Variants in POU5F1B observed in about 807,000 individuals in gnomAD.
POU5F1B encodes POU class 5 homeobox 1B.
A neutral mutation model predicts 28.1 loss-of-function variants in POU5F1B; 24 were observed. The ratio of observed to expected loss-of-function variants is 0.85; its 90% CI spans 0.62 to 1.20. The LOEUF is 1.20. Ranked by LOEUF, POU5F1B falls within the 50% of genes most tolerant of loss-of-function variation. The pLI is 0.00. For missense variants in POU5F1B, 451 were observed against 451.5 expected (o/e 1.00, Z 0.01); for synonymous variants, 220 against 193.2 (o/e 1.14, Z -1.15).
chr8:127,415,809 A>T (rs1815121693), exon 3 of POU5F1B: 2 of 1,462,826 alleles, frequency 1.4e-6, no homozygotes, highest in Non-Finnish European at 1.8e-6. Context: ...GCTTTCAATG[A>T]AAAGTAACAT....
intron 1 of POU5F1B, among the ~76,000 whole-genome samples, chr8:127,413,604 C>T (rs1158931257): frequency 1.3e-5 from 2 of 152,204 alleles, no homozygotes; most frequent in Non-Finnish European, 2.9e-5. Flanking sequence ...GTCACAAAAT[C>T]TAGCCTGTCT....
chr8:127,416,773 C>T (rs770937166), exon 3 of POU5F1B: 4 of 1,606,854 alleles, frequency 2.5e-6, no homozygotes, highest in Non-Finnish European at 1.7e-6. Context: ...TGCTGGGTCT[C>T]CTTTCTCAGG....
chr8:127,416,929 C>T lies in POU5F1B; in HGVS notation c.1063C>T (p.Pro355Ser). Residue 355 changes from proline (P) to serine (S), a missense_variant, in exon 3 of 3, where the codon CCC (proline) becomes TCC (serine). Transcript: ENST00000465342. ...AGTCTCCGTCATCACTCTGGGCTCT[C>T]CCATGCATTCAAACTGAGGTGCCTG... 3.1e-6 allele frequency: 5 copies of T among 1,601,274 alleles called. No individual in the cohort carries two copies. The highest frequency in any genetic ancestry group is 2.3e-5 in the South Asian group (2 of 88,246).
chr8:127,417,211 G>GAAAAGAAAGA (rs1554608621), exon 3 of POU5F1B: 7 of 292,330 alleles, frequency 2.4e-5, no homozygotes, highest in African/African-American at 9.4e-5. Context: ...AAAAAAAAAA[G>GAAAAGAAAGA]AAAGAAAAGA....
At chr8:127,413,758 T>C (rs80055306) in intron 1 of POU5F1B, among the ~76,000 whole-genome samples, 11 of 152,154 alleles carry the variant, frequency 7.2e-5, no homozygotes, top group African/African-American at 2.4e-4. Flanking sequence ...ATTTCACTTT[T>C]CTGCTAAATG....
chr8:127,417,207 A>AAAAAT lies in POU5F1B; in HGVS notation c.*264_*265insATAAA, dbSNP rs1554608616. On this transcript the variant is annotated 3_prime_UTR_variant, in exon 3 of 3. Transcript: ENST00000465342. Reference sequence around the variant, plus strand: ...CCTGGGACACAGTAAAAAAAAAAAAAAAAGAAAGAAAAGAAAAGTAACATA... The same window carrying AAAAAT: ...CCTGGGACACAGTAAAAAAAAAAAAAAAAATAAAGAAAGAAAAGAAAAGTAACATA... 7 of 236,876 alleles carry AAAAAT rather than the reference A, an allele frequency of 3.0e-5. No homozygotes were observed. The Admixed American group carries it at 4.6e-4, about 15-fold the overall frequency. The allele number at this position is 236,876 out of a possible 1,614,324, so 14.7% of individuals were successfully genotyped here. A position where few individuals can be genotyped will look rare whatever the true frequency, so the allele number is the denominator to read the frequency against.
rs773796757 is a variant in POU5F1B, at chr8:127,416,900, C to G, written c.1034C>G (p.Pro345Arg). ...CCTTTCCCTGAGGGGGAAGTCTTTC[C>G]CCCAGTCTCCGTCATCACTCTGGGC... The change falls in exon 3 of 3, where the codon CCC (proline) becomes CGC (arginine). Residue 345 changes from proline to arginine, a missense_variant. Coordinates refer to ENST00000465342, the Ensembl canonical transcript of POU5F1B. 6 of 1,600,264 alleles carry G rather than the reference C, an allele frequency of 3.7e-6. No homozygotes were observed. The highest frequency in any genetic ancestry group is 5.1e-6 in the Non-Finnish European group (6 of 1,172,962).
chr8:127,414,140 T>C (rs566500216), intron 1 of POU5F1B, among the ~76,000 whole-genome samples: 2 of 152,260 alleles, frequency 1.3e-5, no homozygotes, highest in East Asian at 3.9e-4. Flanking sequence ...TTGGAAACAC[T>C]CAAGAACGTC....
intron 1 of POU5F1B, among the ~76,000 whole-genome samples, chr8:127,414,436 G>T (rs1041973553): frequency 6.6e-5 from 10 of 152,132 alleles, no homozygotes; most frequent in Admixed American, 3.9e-4. Flanking sequence ...ACAGAAAGGA[G>T]CCCACTGCTT....
At chr8:127,417,115 G>T in exon 3 of POU5F1B, 2 of 939,554 alleles carry the variant, frequency 2.1e-6, no homozygotes, top group Non-Finnish European at 3.1e-6. Context: ...TGGAGGGAAG[G>T]TGAAGTTCAA....
At chr8:127,416,346 G>A (rs1471152032) in exon 3 of POU5F1B, 2 of 1,612,222 alleles carry the variant, frequency 1.2e-6, no homozygotes, top group Non-Finnish European at 1.7e-6. Flanking sequence ...GGATCACCCT[G>A]GGATATACAC....
chr8:127,416,244 G>T (rs746846728), exon 3 of POU5F1B: 2 of 1,613,914 alleles, frequency 1.2e-6, no homozygotes, highest in Non-Finnish European at 1.7e-6. Context: ...AGCTGGAGAA[G>T]GAGAAGCTAG....
exon 3 of POU5F1B, chr8:127,416,584 C>G (rs538376803): frequency 1.9e-6 from 3 of 1,603,154 alleles, no homozygotes; most frequent in East Asian, 4.5e-5. Flanking sequence ...TATCGAGAAC[C>G]GAGTGAGAGG....
chr8:127,414,617 C>T (rs1434433366), intron 1 of POU5F1B, among the ~76,000 whole-genome samples: 2 of 152,094 alleles, frequency 1.3e-5, no homozygotes, highest in Non-Finnish European at 2.9e-5. Context: ...ATTCTAAAGC[C>T]CCTTCTCTTT....
rs1447144685 is a variant in POU5F1B at position 127,416,180 on chromosome 8, G to A, written c.314G>A (p.Ser105Asn). 5.6e-6 allele frequency: 9 copies of A among 1,613,854 alleles called. No individual in the cohort carries two copies. In the South Asian group the frequency reaches 8.8e-5, roughly 16 times the overall value. ...AGCGAAGCAGGAGTCGGGGTGGAGA[G>A]CAACTCCAATGGGGCCTCCCCGGAA... Residue 105 changes from serine (S) to asparagine (N), a missense_variant, in exon 3 of 3, where the codon AGC (serine) becomes AAC (asparagine). By Grantham distance (46) the Ser-to-Asn change is conservative. Transcript: ENST00000465342.
exon 3 of POU5F1B, chr8:127,416,322 C>T: frequency 6.2e-7 from 1 of 1,613,496 alleles, no homozygotes; most frequent in Non-Finnish European, 8.5e-7. Context: ...TTGCCAAGCT[C>T]CTGAAGCAGA....
Position 127,416,828 on chromosome 8 carries a change from C to T in POU5F1B, c.962C>T (p.Thr321Ile), listed in dbSNP as rs371019833. The change falls in exon 3 of 3, where the codon ACC becomes ATC. Residue 321 changes from threonine (T) to isoleucine (I), a missense_variant. This residue lies in a region of POU5F1B where 213 missense variants were observed against 220.4 expected (regional missense o/e 0.97). Coordinates refer to ENST00000465342, the Ensembl canonical transcript of POU5F1B. ...CCGGCCCCAGGGCCCCATTTTGGTA[C>T]CCCAGGCTATGGGAGCCCTCACTTC... The T allele has an allele frequency of 2.5e-6, 4 of 1,603,978 alleles. No homozygotes were observed. The African/African-American group carries it at 4.0e-5, about 16-fold the overall frequency.
intron 1 of POU5F1B, among the ~76,000 whole-genome samples, chr8:127,413,684 A>G (rs1418532256): frequency 6.6e-6 from 1 of 152,224 alleles, no homozygotes; most frequent in African/African-American, 2.4e-5. Flanking sequence ...AACGATTTTC[A>G]TGGTTCAAAT....
exon 3 of POU5F1B, chr8:127,415,697 T>A: frequency 8.9e-7 from 1 of 1,119,004 alleles, no homozygotes; most frequent in Non-Finnish European, 1.2e-6. Context: ...AAGAGATTAC[T>A]TTTGAAGAGT....
Sources: allele counts gnomAD v4.1 joint callset (sites outside exome capture counted in the v4.1 genomes callset), GRCh38; gene constraint gnomAD v4.1.1; regional missense constraint gnomAD v4.1.1; transcripts MANE v1.5; gene names NCBI Gene and HGNC (gene_info 2026-07-23, HGNC 2026-07-21).